CARD9: variants seen among roughly 807,000 people sequenced by gnomAD.
CARD9 encodes the protein caspase recruitment domain-containing protein 9.
CARD9 carries 53 observed loss-of-function variants against 66.0 expected under a neutral mutation model. The observed-to-expected ratio is 0.80, with a 90% confidence interval of 0.64 to 1.01. The LOEUF (loss-of-function observed/expected upper bound fraction) is 1.01, where lower values mean the gene tolerates loss of function less well. Ranked by LOEUF, CARD9 falls within the 50% of genes least tolerant of loss-of-function variation. The probability of loss-of-function intolerance (pLI) is 0.00; values close to 1 mark genes in which losing one functional copy is unlikely to be tolerated. For missense variants in CARD9, 769 were observed against 743.2 expected (o/e 1.03, Z -0.40); for synonymous variants, 387 against 313.8 (o/e 1.23, Z -2.47).
At position 136,364,053 on chromosome 9, in the gene CARD9, C is replaced by G; in HGVS notation, c.*249G>C. On this transcript the variant is annotated 3_prime_UTR_variant, in exon 13 of 13. Coordinates refer to ENST00000371732, the MANE Select transcript of CARD9 (RefSeq NM_052813.5). ...TGTTACATGGTGAAACAGAACAGATCCTGAAGTTACACAGATGGCGTGTGC... is the reference window on the plus strand; with the variant it reads ...TGTTACATGGTGAAACAGAACAGATGCTGAAGTTACACAGATGGCGTGTGC... The G allele has an allele frequency of 1.3e-6, 2 of 1,532,214 alleles. No individual in the cohort carries two copies. Among genetic ancestry groups the G allele is most frequent in the Non-Finnish European group, 1.8e-6 (2 of 1,130,280 alleles). The allele number at this position is 1,532,214 out of a possible 1,614,324, so 94.9% of individuals were successfully genotyped here.
Position 136,372,055 on chromosome 9 carries a change from G to A in CARD9, c.24C>T (p.Asp8=), listed in dbSNP as rs148523221. The stretch of plus-strand genomic sequence containing the variant: ...AGCCCTCCAGGACGCTCCAGCACTC[G>A]TCATCGTTCTCGTAGTCCGACATGG... MSDYEND[D]ECWSVLEGFR... The change falls in exon 2 of 13, where the codon GAC becomes GAT. Residue 8 remains aspartate (D), a synonymous_variant. Coordinates refer to ENST00000371732, the MANE Select transcript of CARD9 (RefSeq NM_052813.5). 394 of 1,612,706 alleles carry A rather than the reference G, an allele frequency of 2.4e-4. No homozygotes were observed. In the African/African-American group the frequency reaches 3.2e-3, roughly 13 times the overall value.
At position 136,372,040 on chromosome 9, in the gene CARD9, G is replaced by A; in HGVS notation, c.39C>T (p.Val13=). 1.2e-6 allele frequency: 2 copies of A among 1,612,808 alleles called. No individual in the cohort carries two copies. Among genetic ancestry groups the A allele is most frequent in the Non-Finnish European group, 1.7e-6 (2 of 1,179,986 alleles). Reference sequence around the variant, plus strand: ...TGAGCGTCACCCGGAAGCCCTCCAGGACGCTCCAGCACTCGTCATCGTTCT... The same window carrying A: ...TGAGCGTCACCCGGAAGCCCTCCAGAACGCTCCAGCACTCGTCATCGTTCT... ...DYENDDECWS[V]LEGFRVTLTS... is the part of the protein sequence containing the mutation. Residue 13 remains valine, a synonymous_variant, in exon 2 of 13, where the codon GTC becomes GTT. Coordinates refer to ENST00000371732, the MANE Select transcript of CARD9 (RefSeq NM_052813.5).
chr9:136,366,804 G>T lies in CARD9; in HGVS notation c.1353C>A (p.Asp451Glu), dbSNP rs375345378. The T allele has an allele frequency of 1.9e-6, 3 of 1,613,092 alleles. No homozygotes were observed. Among genetic ancestry groups the T allele is most frequent in the Non-Finnish European group, 2.5e-6 (3 of 1,179,894 alleles). The stretch of plus-strand genomic sequence containing the variant: ...GTACTGCTGTCCCCACCTCACCTTT[G>T]TCTGAGAGCTGGGTGTCCTCCAGGT... ...PQDLEDTQLS[D>E]KGCLAGGGSP... Residue 451 changes from aspartate to glutamate, a missense_variant, in exon 10 of 13, where the codon GAC becomes GAA. Transcript: ENST00000371732.
chr9:136,373,574 G>C lies in CARD9; in HGVS notation c.-59C>G. On this transcript the variant is annotated 5_prime_UTR_variant, in exon 1 of 13. Coordinates refer to ENST00000371732, the MANE Select transcript of CARD9 (RefSeq NM_052813.5). Reference sequence around the variant, plus strand: ...GCCACCTGCACTGCAGACACACCAGGAGCCTGGGCCGCGGAGCCTCTGGGA... The same window carrying C: ...GCCACCTGCACTGCAGACACACCAGCAGCCTGGGCCGCGGAGCCTCTGGGA... 1.0e-6 allele frequency: 1 copy of C among 984,800 alleles called. No individual in the cohort carries two copies. Among genetic ancestry groups the C allele is most frequent in the Non-Finnish European group, 1.2e-6 (1 of 830,132 alleles). 61.0% of individuals were successfully genotyped at this position (984,800 alleles called of 1,614,324 possible).
At position 136,370,990 on chromosome 9, in the gene CARD9, G is replaced by A. The variant is rs1400756254; in HGVS notation, c.478C>T (p.Arg160Cys). Reference sequence around the variant, plus strand: ...CACTCCTCCTTGAGCCTCTGCACACGCTCCTGGTGCTTGCGCAGCAGGCTG... The same window carrying A: ...CACTCCTCCTTGAGCCTCTGCACACACTCCTGGTGCTTGCGCAGCAGGCTG... The part of the protein sequence containing the change: ...KDSLLRKHQE[R>C]VQRLKEECEA... The change falls in exon 4 of 13, where the codon CGT becomes TGT. Residue 160 changes from arginine (R) to cysteine (C), a missense_variant. By Grantham distance (180) the Arg-to-Cys change is radical. Coordinates refer to ENST00000371732, the MANE Select transcript of CARD9 (RefSeq NM_052813.5). 7 of 1,610,998 alleles carry A rather than the reference G, an allele frequency of 4.3e-6. No individual in the cohort carries two copies. Among genetic ancestry groups the A allele is most frequent in the Admixed American group, 1.7e-5 (1 of 59,800 alleles).
rs370366894 is a variant in CARD9 at position 136,372,284 on chromosome 9, G to A, written c.-16-190C>T. 1.2e-4 allele frequency among the ~76,000 whole-genome samples: 18 copies of A among 152,300 alleles called. 1 individual carries two copies. In the East Asian group the frequency reaches 3.3e-3, roughly 28 times the overall value. ...CGCTGGATCCCCCAGGGAGGCAGCA[G>A]AGACACAGTGACCCCGCTCCCCACC... On this transcript the variant is annotated intron_variant, in intron 1 of 12. Coordinates refer to ENST00000371732, the MANE Select transcript of CARD9 (RefSeq NM_052813.5).
chr9:136,364,997 G>A, intron 11 of CARD9, 144 bp downstream of exon 11: 3 of 736,770 alleles, frequency 4.1e-6, no homozygotes, highest in Non-Finnish European at 6.7e-6. Context: ...CGCACCCCGA[G>A]CACTGTGGGC....
At chr9:136,365,569 T>G in intron 10 of CARD9, 1 of 332,734 alleles carries the variant, frequency 3.0e-6, no homozygotes, top group Non-Finnish European at 5.7e-6. Context: ...CCAAAGCATC[T>G]GTGGGCATGG....
chr9:136,371,175 C>T (rs780725011), intron 3 of CARD9, 30 bp from the exon 4 acceptor site: 10 of 1,609,292 alleles, frequency 6.2e-6, no homozygotes, highest in East Asian at 2.2e-5. Flanking sequence ...CAGATGGTGC[C>T]GTGTTCCCCG....
Position 136,364,338 on chromosome 9 carries a change from G to A in CARD9, c.1575C>T (p.Thr525=), listed in dbSNP as rs1385042073. The A allele has an allele frequency of 6.4e-7, 1 of 1,567,704 alleles. No homozygotes were observed. Among genetic ancestry groups the A allele is most frequent in the Non-Finnish European group, 8.6e-7 (1 of 1,157,418 alleles). The change falls in exon 13 of 13, where the codon ACC becomes ACT. Residue 525 remains threonine, a synonymous_variant. Coordinates refer to ENST00000371732, the MANE Select transcript of CARD9 (RefSeq NM_052813.5). Reference sequence around the variant, plus strand: ...CAGTGTCGGTGTTGTCGCTGCCCGTGGTGTTCTCCCGGTCCTCCTCCCCCT... The same window carrying A: ...CAGTGTCGGTGTTGTCGCTGCCCGTAGTGTTCTCCCGGTCCTCCTCCCCCT... ...WRQGEEDREN[T]TGSDNTDTEG...
In CARD9 at chr9:136,370,362, G is replaced by C; in HGVS notation, c.883C>G (p.Gln295Glu). Residue 295 changes from glutamine to glutamate, a missense_variant, in exon 6 of 13, where the codon CAG becomes GAG. Gln to Glu is a conservative substitution (Grantham distance 29, BLOSUM62 2). Coordinates refer to ENST00000371732, the MANE Select transcript of CARD9 (RefSeq NM_052813.5). ...GAGAAGATGGTGTTGGCCTGCTCCT[G>C]GTGGTCCCGCAGCGCCTGCCGCCAG... Reference protein sequence around the residue: ...EDWRQALRDHQEQANTIFSLR... With the variant: ...EDWRQALRDHEEQANTIFSLR... The C allele has an allele frequency of 2.5e-6, 4 of 1,609,990 alleles. No individual in the cohort carries two copies. Among genetic ancestry groups the C allele is most frequent in the Non-Finnish European group, 1.7e-6 (2 of 1,179,112 alleles).
At chr9:136,370,153 A>G in intron 6 of CARD9, 141 bp downstream of exon 6, 1 of 1,467,288 alleles carries the variant, frequency 6.8e-7, no homozygotes, top group Non-Finnish European at 9.1e-7. Flanking sequence ...GGCACCGTCC[A>G]CTGTGCCTCC....
intron 10 of CARD9, 71 bp downstream of exon 10, chr9:136,366,729 G>T: frequency 1.3e-6 from 2 of 1,527,756 alleles, no homozygotes; most frequent in Non-Finnish European, 1.8e-6. Flanking sequence ...GGCACGGGCT[G>T]CCTGTGCTGA....
rs879594163 is a variant in CARD9 at position 136,367,371 on chromosome 9, C to G, written c.1270-114G>C. 4.2e-5 allele frequency: 52 copies of G among 1,228,060 alleles called. 1 individual carries two copies. In the Admixed American group the frequency reaches 1.0e-3, roughly 24 times the overall value. The allele number at this position is 1,228,060 out of a possible 1,614,324, so 76.1% of individuals were successfully genotyped here. A position where few individuals can be genotyped will look rare whatever the true frequency, so the allele number is the denominator to read the frequency against. ...AGGGAGCCCTGGGCATGCCCTCAGC[C>G]ACACCAGGCCCCCTCCATGCCCAGA... On this transcript the variant is annotated intron_variant, in intron 8 of 12. Transcript: ENST00000371732.
chr9:136,366,607 C>G (rs1833129526), intron 10 of CARD9, 193 bp downstream of exon 10: 2 of 644,164 alleles, frequency 3.1e-6, no homozygotes, highest in African/African-American at 3.6e-5. Flanking sequence ...GCCCTGGGTT[C>G]CAGCTGGGCT....
intron 6 of CARD9, 88 bp downstream of exon 6, chr9:136,370,206 C>T: frequency 6.5e-7 from 1 of 1,540,602 alleles, no homozygotes; most frequent in East Asian, 2.4e-5. Flanking sequence ...TCTCCACACC[C>T]CACCTTCCAG....
intron 9 of CARD9, 95 bp from the exon 10 acceptor site, chr9:136,366,940 G>A (rs1255453020): frequency 2.1e-6 from 3 of 1,409,358 alleles, no homozygotes; most frequent in Non-Finnish European, 3.0e-6. Flanking sequence ...TCAGCTGGGT[G>A]CAGCCATTGC....
In CARD9 at chr9:136,369,741, A is replaced by C; in HGVS notation, c.1077+9T>G. 6.3e-7 allele frequency: 1 copy of C among 1,591,132 alleles called. No individual in the cohort carries two copies. The highest frequency in any genetic ancestry group is 8.6e-7 in the Non-Finnish European group (1 of 1,169,508). ...TGGGGTGCTTTGTCCTGCCCCTGCG[A>C]GTGCCCACCTGGTCCCGCTCAATGG... is the stretch of plus-strand genomic sequence containing the variant. On this transcript the variant is annotated intron_variant, in intron 7 of 12. Transcript: ENST00000371732.
Position 136,365,202 on chromosome 9 carries a change from C to G in CARD9, c.1373G>C (p.Gly458Ala), listed in dbSNP as rs144348041. 2.5e-4 allele frequency: 404 copies of G among 1,609,666 alleles called. 2 individuals are homozygous for G. The African/African-American group carries it at 4.9e-3, about 19-fold the overall frequency. Reference protein sequence around the residue: ...QLSDKGCLAGGGSPKQPFAAL... With the variant: ...QLSDKGCLAGAGSPKQPFAAL... ...TGCAAAGGGCTGTTTCGGGCTCCCC[C>G]CGCCGGCAAGGCAGCCTGGAAAGGA... The change falls in exon 11 of 13, where the codon GGG becomes GCG. Residue 458 changes from glycine to alanine, a missense_variant. Coordinates refer to ENST00000371732, the MANE Select transcript of CARD9 (RefSeq NM_052813.5).
Sources: allele counts gnomAD v4.1 joint callset (sites outside exome capture counted in the v4.1 genomes callset), GRCh38; gene constraint gnomAD v4.1.1; transcripts MANE v1.5; gene names NCBI Gene and HGNC (gene_info 2026-07-23, HGNC 2026-07-21).